Variants in FER observed in about 807,000 individuals in gnomAD.
FER encodes tyrosine-protein kinase Fer.
A neutral mutation model predicts 111.0 loss-of-function variants in FER; 63 were observed. The observed-to-expected ratio is 0.57, with a 90% CI of 0.46 to 0.70. The LOEUF is 0.70. Ranked by LOEUF, FER falls within the 30% of genes least tolerant of loss-of-function variation. The pLI is 0.00. For synonymous variants in FER, 327 were observed against 313.9 expected, an observed-to-expected ratio of 1.04 and a Z score of -0.44; for missense variants, 914 against 954.0, an observed-to-expected ratio of 0.96 and a Z score of 0.55.
intron 14 of FER, among the ~76,000 whole-genome samples, chr5:109,038,813 GA>G (rs1223890003): frequency 5.3e-5 from 8 of 152,046 alleles, no homozygotes; most frequent in African/African-American, 1.7e-4. Flanking sequence ...AATATGTTTA[GA>G]AGGACAGACT....
At chr5:109,012,629 G>A (rs1203704404) in intron 13 of FER, among the ~76,000 whole-genome samples, 3 of 152,200 alleles carry the variant, frequency 2.0e-5, no homozygotes, top group Non-Finnish European at 4.4e-5. Flanking sequence ...CACTACATCA[G>A]CAGTATCTGT....
intron 17 of FER, among the ~76,000 whole-genome samples, chr5:109,127,526 G>A (rs1017567249): frequency 1.3e-5 from 2 of 151,914 alleles, no homozygotes; most frequent in African/African-American, 4.8e-5. Flanking sequence ...GCCTCAGCCT[G>A]CTGAGTAGCT....
rs558471260 is a variant in FER at position 108,754,332 on chromosome 5, A to G, written c.-206+6332A>G. On this transcript the variant is annotated intron_variant, in intron 1 of 19. Coordinates refer to ENST00000281092, the MANE Select transcript of FER (RefSeq NM_005246.4). ...TAAGGCAGGAGGATTCCTTGAGCCCAGGAGTTCAATACTGCATTGAGCTAT... is the reference window on the plus strand; with the variant it reads ...TAAGGCAGGAGGATTCCTTGAGCCCGGGAGTTCAATACTGCATTGAGCTAT... 3.3e-5 allele frequency among the ~76,000 whole-genome samples: 5 copies of G among 150,600 alleles called. No homozygotes were observed. The South Asian group carries it at 1.1e-3, about 32-fold the overall frequency.
chr5:109,025,983 G>T (rs1045263760), intron 13 of FER, among the ~76,000 whole-genome samples: 3 of 152,116 alleles, frequency 2.0e-5, no homozygotes, highest in Non-Finnish European at 4.4e-5. Flanking sequence ...GGGCATAACT[G>T]TTGGCTCTGA....
intron 16 of FER, among the ~76,000 whole-genome samples, chr5:109,049,304 C>G (rs1238503604): frequency 6.6e-6 from 1 of 152,148 alleles, no homozygotes; most frequent in African/African-American, 2.4e-5. Flanking sequence ...TCAGGCTGAG[C>G]TGTTATCTGG....
chr5:109,016,586 G>A (rs1767161143), intron 13 of FER, among the ~76,000 whole-genome samples: 1 of 151,958 alleles, frequency 6.6e-6, no homozygotes, highest in Non-Finnish European at 1.5e-5. Flanking sequence ...CACTGATAAA[G>A]CCATGACCAC....
At chr5:108,751,745 T>C (rs1395971970) in intron 1 of FER, among the ~76,000 whole-genome samples, 1 of 152,186 alleles carries the variant, frequency 6.6e-6, no homozygotes, top group Non-Finnish European at 1.5e-5. Flanking sequence ...TAAGTCAGTA[T>C]TTCGATAGGA....
In FER at chr5:109,084,938, A is replaced by G. The variant is rs188971836; in HGVS notation, c.1925-15458A>G. 6.6e-5 allele frequency among the ~76,000 whole-genome samples: 10 copies of G among 151,988 alleles called. No homozygotes were observed. The East Asian group carries it at 1.9e-3, about 29-fold the overall frequency. On this transcript the variant is annotated intron_variant, in intron 16 of 19. Coordinates refer to ENST00000281092, the MANE Select transcript of FER (RefSeq NM_005246.4). ...TGGACTTTGTCTGTTCCATTGATCTATGTAATTATCCTGAAACCAAAAACC... is the reference window on the plus strand; with the variant it reads ...TGGACTTTGTCTGTTCCATTGATCTGTGTAATTATCCTGAAACCAAAAACC...
chr5:108,946,883 T>C (rs1226716033), intron 11 of FER, among the ~76,000 whole-genome samples: 1 of 151,970 alleles, frequency 6.6e-6, no homozygotes, highest in Non-Finnish European at 1.5e-5. Context: ...TAACAAGTAC[T>C]AGTCTAATTC....
intron 13 of FER, among the ~76,000 whole-genome samples, chr5:108,999,803 G>A (rs1764485649): frequency 6.7e-6 from 1 of 148,762 alleles, no homozygotes; most frequent in Non-Finnish European, 1.5e-5. Flanking sequence ...ATCTTTTCCT[G>A]TGTGTATTAG....
intron 13 of FER, among the ~76,000 whole-genome samples, chr5:108,968,028 AAAGTT>A (rs1284682408): frequency 6.6e-6 from 1 of 152,160 alleles, no homozygotes; most frequent in Non-Finnish European, 1.5e-5. Context: ...ACATAATAAT[AAAGTT>A]AAGAGAAGAT....
intron 13 of FER, among the ~76,000 whole-genome samples, chr5:108,994,135 C>T (rs1763692845): frequency 6.6e-6 from 1 of 152,078 alleles, no homozygotes; most frequent in Admixed American, 6.6e-5. Flanking sequence ...TAATTAGATC[C>T]CATATGTCAG....
intron 11 of FER, among the ~76,000 whole-genome samples, chr5:108,948,778 T>G (rs1430677087): frequency 6.6e-6 from 1 of 152,104 alleles, no homozygotes; most frequent in South Asian, 2.1e-4. Context: ...TGTTCCATCT[T>G]ACAGCCACTC....
intron 13 of FER, among the ~76,000 whole-genome samples, chr5:108,985,154 C>T (rs184525196): frequency 3.0e-3 from 453 of 152,124 alleles, no homozygotes; most frequent in Admixed American, 3.8e-3. Context: ...TGGACATGGG[C>T]TGACAGGTCA....
chr5:109,011,171 TCAG>T (rs1432222679), intron 13 of FER, among the ~76,000 whole-genome samples: 2 of 152,202 alleles, frequency 1.3e-5, no homozygotes, highest in Non-Finnish European at 2.9e-5. Flanking sequence ...AATTATATAA[TCAG>T]CTTCTTTTGA....
At chr5:108,972,174 A>G (rs1760747444) in intron 13 of FER, among the ~76,000 whole-genome samples, 1 of 151,898 alleles carries the variant, frequency 6.6e-6, no homozygotes, top group African/African-American at 2.4e-5. Flanking sequence ...TAGTGTTTGT[A>G]CTTCTATAGT....
At chr5:109,128,367 T>G (rs923482747) in intron 17 of FER, among the ~76,000 whole-genome samples, 1 of 152,138 alleles carries the variant, frequency 6.6e-6, no homozygotes, top group East Asian at 1.9e-4. Flanking sequence ...CAACTTTCAA[T>G]TGTAAGTTTT....
intron 5 of FER, among the ~76,000 whole-genome samples, chr5:108,839,243 C>T (rs191748479): frequency 6.6e-6 from 1 of 152,030 alleles, no homozygotes; most frequent in African/African-American, 2.4e-5. Flanking sequence ...AAGAGCTGAC[C>T]AAGAAGAAAG....
chr5:108,825,533 A>T (rs1175799653), intron 3 of FER, among the ~76,000 whole-genome samples: 1 of 152,140 alleles, frequency 6.6e-6, no homozygotes, highest in African/African-American at 2.4e-5. Context: ...CCCACATTTC[A>T]TATTGCTCAA....
Sources: allele counts gnomAD v4.1 joint callset (sites outside exome capture counted in the v4.1 genomes callset), GRCh38; gene constraint gnomAD v4.1.1; transcripts MANE v1.5; gene names NCBI Gene and HGNC (gene_info 2026-07-23, HGNC 2026-07-21).